ENTHD1: variants seen among roughly 807,000 people sequenced by gnomAD.
The protein encoded by ENTHD1 is ENTH domain-containing protein 1.
Under a neutral mutation model 39.1 loss-of-function variants are expected in ENTHD1, and 23 were observed. The ratio of observed to expected loss-of-function variants is 0.59; its 90% CI spans 0.42 to 0.83. ENTHD1 has a LOEUF of 0.83. ENTHD1 is among the 40% of genes least tolerant of loss of function. The pLI is 0.00. For missense variants in ENTHD1, 624 were observed against 705.4 expected, an observed-to-expected ratio of 0.88 and a Z score of 1.31; for synonymous variants, 230 against 258.2, an observed-to-expected ratio of 0.89 and a Z score of 1.05.
At chr22:39,810,168 C>T (rs2065674463) in intron 5 of ENTHD1, among the ~76,000 whole-genome samples, 1 of 152,126 alleles carries the variant, frequency 6.6e-6, no homozygotes, top group Non-Finnish European at 1.5e-5. Context: ...GTAAATCTTC[C>T]CCTAAGCCTC....
At chr22:39,774,459 C>T (rs2065351620) in intron 5 of ENTHD1, among the ~76,000 whole-genome samples, 1 of 152,160 alleles carries the variant, frequency 6.6e-6, no homozygotes, top group Non-Finnish European at 1.5e-5. Flanking sequence ...CTCCAGCCTC[C>T]TCATCCTTGG....
chr22:39,891,178 C>T (rs1387313826), intron 1 of ENTHD1, among the ~76,000 whole-genome samples: 1 of 152,162 alleles, frequency 6.6e-6, no homozygotes, highest in Non-Finnish European at 1.5e-5. Context: ...GAGGTCTTCA[C>T]CGACCTCACT....
At chr22:39,804,878 G>C (rs2065628313) in intron 5 of ENTHD1, among the ~76,000 whole-genome samples, 1 of 152,164 alleles carries the variant, frequency 6.6e-6, no homozygotes, top group African/African-American at 2.4e-5. Flanking sequence ...TATACTGGCT[G>C]AGCTTCCCCC....
At chr22:39,793,714 G>A (rs1439896702) in intron 5 of ENTHD1, among the ~76,000 whole-genome samples, 2 of 152,114 alleles carry the variant, frequency 1.3e-5, no homozygotes, top group Non-Finnish European at 2.9e-5. Flanking sequence ...ATTGAAGAAG[G>A]TGTTCATTCT....
intron 5 of ENTHD1, among the ~76,000 whole-genome samples, chr22:39,812,774 C>T (rs546959468): frequency 2.6e-5 from 4 of 151,940 alleles, no homozygotes; most frequent in African/African-American, 9.7e-5. Context: ...ACATTGGATC[C>T]CTTTGTCTTT....
intron 5 of ENTHD1, among the ~76,000 whole-genome samples, chr22:39,794,665 G>A (rs572319730): frequency 6.6e-6 from 1 of 152,292 alleles, no homozygotes; most frequent in Non-Finnish European, 1.5e-5. Context: ...ATAGCCAGGT[G>A]TGGTGGCACA....
intron 3 of ENTHD1, among the ~76,000 whole-genome samples, chr22:39,839,783 CAGA>C (rs2065930770): frequency 1.3e-5 from 2 of 152,080 alleles, no homozygotes; most frequent in Non-Finnish European, 2.9e-5. Context: ...TTAGACATTA[CAGA>C]AGTAGATTAG....
chr22:39,858,918 G>T (rs1569170797), intron 3 of ENTHD1, among the ~76,000 whole-genome samples: 1 of 152,208 alleles, frequency 6.6e-6, no homozygotes, highest in African/African-American at 2.4e-5. Context: ...CTAGCTATGA[G>T]AGTCCTAGAT....
At chr22:39,878,343 T>C (rs1337259267) in intron 2 of ENTHD1, among the ~76,000 whole-genome samples, 1 of 152,106 alleles carries the variant, frequency 6.6e-6, no homozygotes, top group Admixed American at 6.5e-5. Flanking sequence ...GTGTAACATA[T>C]GTGTAATGGA....
At chr22:39,773,365 G>A (rs1309465398) in intron 5 of ENTHD1, among the ~76,000 whole-genome samples, 2 of 152,116 alleles carry the variant, frequency 1.3e-5, no homozygotes, top group African/African-American at 4.8e-5. Context: ...TCTATTCACT[G>A]AGATGGTCCA....
At chr22:39,793,633 A>T (rs1310485673) in intron 5 of ENTHD1, among the ~76,000 whole-genome samples, 2 of 151,210 alleles carry the variant, frequency 1.3e-5, no homozygotes, top group Non-Finnish European at 3.0e-5. Context: ...TGGGTCTTAC[A>T]TTTAGCTCTT....
intron 3 of ENTHD1, among the ~76,000 whole-genome samples, chr22:39,839,763 G>T (rs550989064): frequency 2.3e-4 from 35 of 152,218 alleles, no homozygotes; most frequent in African/African-American, 7.2e-4. Context: ...AAATCATATG[G>T]TCTTAGGTTT....
At chr22:39,861,101 T>G (rs1019165005) in intron 3 of ENTHD1, among the ~76,000 whole-genome samples, 2 of 152,198 alleles carry the variant, frequency 1.3e-5, no homozygotes, top group Non-Finnish European at 2.9e-5. Context: ...CACCTAGTCT[T>G]AGAAAACTGT....
At chr22:39,856,852 CAA>C (rs34627331) in intron 3 of ENTHD1, among the ~76,000 whole-genome samples, 23 of 70,286 alleles carry the variant, frequency 3.3e-4, no homozygotes, top group Admixed American at 5.2e-4. Context: ...GACCCTGTCT[CAA>C]AAAAAAAAAA....
chr22:39,791,384 A>G (rs1275459098), intron 5 of ENTHD1, among the ~76,000 whole-genome samples: 2 of 151,082 alleles, frequency 1.3e-5, no homozygotes, highest in African/African-American at 2.4e-5. Context: ...ATTAGACTTC[A>G]TATCTTTAAC....
At chr22:39,789,467 G>A (rs2065486991) in intron 5 of ENTHD1, among the ~76,000 whole-genome samples, 1 of 152,064 alleles carries the variant, frequency 6.6e-6, no homozygotes, top group South Asian at 2.1e-4. Flanking sequence ...TAACTCCAAT[G>A]GGAAATGTTC....
At chr22:39,790,164 C>T (rs1363085060) in intron 5 of ENTHD1, among the ~76,000 whole-genome samples, 3 of 151,990 alleles carry the variant, frequency 2.0e-5, no homozygotes, top group Non-Finnish European at 2.9e-5. Context: ...ATGAGAAGTC[C>T]CTGGGAGGTG....
chr22:39,806,260 A>G lies in ENTHD1; in HGVS notation c.832+14733T>C, dbSNP rs183805042. ...TTCCTTAAACATTATTTAAAATTCTATGTGTTTTGAGCACTTCCTCCTTTT... is the reference window on the plus strand; with the variant it reads ...TTCCTTAAACATTATTTAAAATTCTGTGTGTTTTGAGCACTTCCTCCTTTT... On this transcript the variant is annotated intron_variant, in intron 5 of 6. Coordinates refer to ENST00000325157, the MANE Select transcript of ENTHD1 (RefSeq NM_152512.4). Among the ~76,000 whole-genome samples, 119 of 152,270 alleles carry G rather than the reference A, an allele frequency of 7.8e-4. 1 individual carries two copies. The highest frequency in any genetic ancestry group is 1.2e-3 in the Non-Finnish European group (79 of 68,018).
At chr22:39,891,502 T>A (rs2066426615) in intron 1 of ENTHD1, among the ~76,000 whole-genome samples, 1 of 150,510 alleles carries the variant, frequency 6.6e-6, no homozygotes, top group African/African-American at 2.5e-5. Flanking sequence ...AGATAAAGCC[T>A]CACTATGTAG....
Sources: gnomAD v4.1 joint callset for allele counts (sites outside exome capture counted in the v4.1 genomes callset) on GRCh38, gnomAD v4.1.1 for gene constraint, MANE v1.5 for transcripts, NCBI Gene and HGNC (gene_info 2026-07-23, HGNC 2026-07-21) for gene names.